CNNM1: variants seen among roughly 807,000 people sequenced by gnomAD.
CNNM1 encodes the protein metal transporter CNNM1.
A neutral mutation model predicts 78.8 loss-of-function variants in CNNM1; 44 were observed. The observed-to-expected ratio is 0.56, with a 90% CI of 0.44 to 0.72. The LOEUF is 0.72. CNNM1 is among the 30% of genes least tolerant of loss of function. CNNM1 has a pLI of 0.00. For missense variants in CNNM1, 1,101 were observed against 1,292.2 expected (o/e 0.85, Z 2.27); for synonymous variants, 584 against 581.5 (o/e 1.00, Z -0.06).
At chr10:99,347,612 G>C (rs1472363991) in intron 1 of CNNM1, among the ~76,000 whole-genome samples, 1 of 28,312 alleles carries the variant, frequency 3.5e-5, no homozygotes, top group Admixed American at 2.6e-4. Flanking sequence ...TGTTGCAATG[G>C]CTTGTTTTTA....
intron 1 of CNNM1, among the ~76,000 whole-genome samples, chr10:99,356,349 A>T (rs1327902056): frequency 1.3e-5 from 2 of 151,860 alleles, no homozygotes; most frequent in Non-Finnish European, 2.9e-5. Flanking sequence ...GGTGGTGCTC[A>T]TCTGTGGTCC....
chr10:99,356,609 G>GAAAGAAAAGAAAAGA (rs1564947475), intron 1 of CNNM1, among the ~76,000 whole-genome samples: 2 of 132,554 alleles, frequency 1.5e-5, no homozygotes, highest in African/African-American at 6.1e-5. Context: ...AGAAAGAAAA[G>GAAAGAAAAGAAAAGA]AAAGAAAGAA....
chr10:99,330,937 C>G lies in CNNM1; in HGVS notation c.1550C>G (p.Thr517Arg). Residue 517 changes from threonine (T) to arginine (R), a missense_variant, in exon 1 of 11, where the codon ACG becomes AGG. By Grantham distance (71) the Thr-to-Arg change is moderately conservative. Coordinates refer to ENST00000356713, the MANE Select transcript of CNNM1 (RefSeq NM_020348.3). ...HCVFNDTRLD[T>R]VLEEFKKGKS... ...GTTTTCAATGACACCCGACTGGACA[C>G]GGTTCTGGAGGAGTTTAAGAAGGGT... The G allele has an allele frequency of 6.2e-7, 1 of 1,613,048 alleles. No individual in the cohort carries two copies. The highest frequency in any genetic ancestry group is 8.5e-7 in the Non-Finnish European group (1 of 1,179,616).
chr10:99,362,997 G>A (rs547139526), intron 4 of CNNM1, among the ~76,000 whole-genome samples: 1 of 152,156 alleles, frequency 6.6e-6, no homozygotes, highest in Non-Finnish European at 1.5e-5. Context: ...ACATAAGTAT[G>A]ATCACCTTCT....
At chr10:99,339,767 C>A (rs574673519) in intron 1 of CNNM1, among the ~76,000 whole-genome samples, 41 of 152,312 alleles carry the variant, frequency 2.7e-4, no homozygotes, top group Non-Finnish European at 3.2e-4. Flanking sequence ...CCCAGACACA[C>A]AATGTGACCT....
rs371216334 is a variant in CNNM1 at position 99,362,293 on chromosome 10, A to G, written c.1925A>G (p.Asn642Ser). The G allele has an allele frequency of 7.6e-5, 122 of 1,613,770 alleles. No homozygotes were observed. Among genetic ancestry groups the G allele is most frequent in the Admixed American group, 1.8e-4 (11 of 60,006 alleles). Residue 642 changes from asparagine (N) to serine (S), a missense_variant, in exon 4 of 11, where the codon AAC (asparagine) becomes AGC (serine). By Grantham distance (46) the Asn-to-Ser change is conservative. Transcript: ENST00000356713. ...KILLRLLKHP[N>S]VIQELKFDEK... ...CTGCTCCGGCTCCTGAAACATCCCAACGTGATCCAGGAGCTGAAGTTTGAT... is the reference window on the plus strand; with the variant it reads ...CTGCTCCGGCTCCTGAAACATCCCAGCGTGATCCAGGAGCTGAAGTTTGAT...
chr10:99,361,092 C>A, intron 3 of CNNM1, 117 bp downstream of exon 3: 2 of 1,170,238 alleles, frequency 1.7e-6, no homozygotes, highest in African/African-American at 1.5e-5. Context: ...GACTGAGAAG[C>A]ACTGTTCTAG....
chr10:99,366,542 G>A (rs2031625588), intron 6 of CNNM1, among the ~76,000 whole-genome samples: 1 of 152,012 alleles, frequency 6.6e-6, no homozygotes, highest in Middle Eastern at 3.2e-3. Context: ...CCAGCACTTT[G>A]GGAGGCCAGG....
intron 2 of CNNM1, among the ~76,000 whole-genome samples, chr10:99,359,799 G>T (rs1421150057): frequency 6.6e-6 from 1 of 152,014 alleles, no homozygotes; most frequent in East Asian, 1.9e-4. Context: ...GCGAAGTTTG[G>T]AGAAAACCCA....
At chr10:99,370,955 A>G (rs1382162377) in intron 6 of CNNM1, among the ~76,000 whole-genome samples, 1 of 152,192 alleles carries the variant, frequency 6.6e-6, no homozygotes, top group Non-Finnish European at 1.5e-5. Flanking sequence ...AAAACAACAG[A>G]TTAAAAAACA....
intron 2 of CNNM1, among the ~76,000 whole-genome samples, 190 bp downstream of exon 2, chr10:99,357,845 A>T (rs908494294): frequency 6.6e-6 from 1 of 152,286 alleles, no homozygotes; most frequent in African/African-American, 2.4e-5. Context: ...CACTGGGAAC[A>T]TGCTAGCTAA....
chr10:99,332,860 T>G (rs1373135998), intron 1 of CNNM1, among the ~76,000 whole-genome samples: 1 of 152,204 alleles, frequency 6.6e-6, no homozygotes, highest in Non-Finnish European at 1.5e-5. Flanking sequence ...CCTTAATCCT[T>G]GCATTCATAG....
In CNNM1 at chr10:99,388,207, G is replaced by C. The variant is rs1564962739; in HGVS notation, c.2580G>C (p.Glu860Asp). Residue 860 changes from glutamate (E) to aspartate (D), a missense_variant, in exon 9 of 11, where the codon GAG becomes GAC. Glu to Asp is a conservative substitution (Grantham distance 45, BLOSUM62 2). Around this residue, in one of 3 missense-constraint regions of CNNM1, gnomAD observed 348 missense variants for 384.5 expected, o/e 0.90. Transcript: ENST00000356713. Reference protein sequence around the residue: ...SPSEVVYLRMEELAFTQEEMT... With the variant: ...SPSEVVYLRMDELAFTQEEMT... ...GCGAGGTAGTGTACCTGAGGATGGA[G>C]GAGCTGGCCTTCACCCAGGAAGAAA... 1 of 1,614,030 alleles carries C rather than the reference G, an allele frequency of 6.2e-7. No homozygotes were observed. The highest frequency in any genetic ancestry group is 8.5e-7 in the Non-Finnish European group (1 of 1,179,904).
intron 7 of CNNM1, among the ~76,000 whole-genome samples, chr10:99,378,404 G>A (rs185685784): frequency 2.0e-5 from 3 of 152,342 alleles, no homozygotes; most frequent in East Asian, 1.9e-4. Flanking sequence ...CATGAGAGGT[G>A]CACTGAAATC....
intron 1 of CNNM1, among the ~76,000 whole-genome samples, chr10:99,341,386 G>A (rs2030452413): frequency 6.6e-6 from 1 of 152,090 alleles, no homozygotes; most frequent in Non-Finnish European, 1.5e-5. Flanking sequence ...GAGTACCAGG[G>A]CTCGGCAGAT....
intron 1 of CNNM1, among the ~76,000 whole-genome samples, chr10:99,334,971 A>C (rs1188791220): frequency 6.6e-6 from 1 of 152,122 alleles, no homozygotes; most frequent in African/African-American, 2.4e-5. Context: ...CTAATAACTG[A>C]CTGAACTGTG....
chr10:99,356,605 A>T (rs910119956), intron 1 of CNNM1, among the ~76,000 whole-genome samples: 1 of 56,326 alleles, frequency 1.8e-5, no homozygotes, highest in Non-Finnish European at 6.2e-5. Flanking sequence ...AGAAAGAAAG[A>T]AAAGAAAGAA....
chr10:99,337,259 C>T (rs2030230725), intron 1 of CNNM1, among the ~76,000 whole-genome samples: 1 of 152,194 alleles, frequency 6.6e-6, no homozygotes, highest in Non-Finnish European at 1.5e-5. Flanking sequence ...CTAAAATAAT[C>T]TCCAGTAATG....
intron 6 of CNNM1, among the ~76,000 whole-genome samples, chr10:99,374,991 G>C (rs1206961154): frequency 1.3e-5 from 2 of 152,220 alleles, no homozygotes; most frequent in African/African-American, 4.8e-5. Flanking sequence ...CAGAGAAGGT[G>C]GTGCCTCAGC....
Sources: gnomAD v4.1 joint callset for allele counts (sites outside exome capture counted in the v4.1 genomes callset) on GRCh38, gnomAD v4.1.1 for gene constraint, gnomAD v4.1.1 regional missense constraint, MANE v1.5 for transcripts, NCBI Gene and HGNC (gene_info 2026-07-23, HGNC 2026-07-21) for gene names.